The following SH3RF3 variants were observed in gnomAD, a reference collection of about 807,000 sequenced individuals.
SH3RF3 encodes E3 ubiquitin-protein ligase SH3RF3.
A neutral mutation model predicts 66.3 loss-of-function variants in SH3RF3; 29 were observed. The ratio of observed to expected loss-of-function variants is 0.44; its 90% confidence interval spans 0.33 to 0.60. SH3RF3 has a LOEUF of 0.60. Among genes scored for constraint, SH3RF3 ranks in the 20% least tolerant of loss-of-function variants. SH3RF3 has a pLI of 0.04. For synonymous variants in SH3RF3, 583 were observed against 532.0 expected (o/e 1.10, Z -1.32); for missense variants, 1,194 against 1,190.9 (o/e 1.00, Z -0.04).
intron 1 of SH3RF3, among the ~76,000 whole-genome samples, chr2:109,228,058 C>G (rs956404641): frequency 2.0e-5 from 3 of 152,188 alleles, no homozygotes; most frequent in Admixed American, 6.5e-5. Context: ...TGCCCAGACA[C>G]AGGTACGAGT....
At chr2:109,470,365 G>A (rs1678471273) in intron 8 of SH3RF3, among the ~76,000 whole-genome samples, 1 of 152,176 alleles carries the variant, frequency 6.6e-6, no homozygotes, top group African/African-American at 2.4e-5. Context: ...CTTTTCCAGA[G>A]TTTTGCTGGA....
rs148460288 is a variant in SH3RF3, at chr2:109,250,340, G to T, written c.574-97334G>T. Among the ~76,000 whole-genome samples the T allele has an allele frequency of 3.1e-3, 468 of 152,158 alleles. 4 individuals carry two copies. Among genetic ancestry groups the T allele is most frequent in the African/African-American group, 0.01 (431 of 41,542 alleles). ...CGTGGGGGTTTCTAAACATGCACAA[G>T]CTAACAGTCTCCATCAGCTCTGAAT... On this transcript the variant is annotated intron_variant, in intron 1 of 9. Transcript: ENST00000309415.
chr2:109,464,412 C>T (rs1236207670), intron 8 of SH3RF3, among the ~76,000 whole-genome samples: 1 of 152,170 alleles, frequency 6.6e-6, no homozygotes, highest in African/African-American at 2.4e-5. Context: ...AATACACATA[C>T]AAACATGACT....
In SH3RF3 at chr2:109,419,784, C is replaced by T. The variant is rs530963581; in HGVS notation, c.1403+142C>T. ...TATAGTTATGTGCGTCTAATAACACCGCTGAAGGGAGAGTGTGGAAGACAA... is the reference window on the plus strand; with the variant it reads ...TATAGTTATGTGCGTCTAATAACACTGCTGAAGGGAGAGTGTGGAAGACAA... On this transcript the variant is annotated intron_variant, in intron 5 of 9. Transcript: ENST00000309415. The T allele has an allele frequency of 8.7e-4, 625 of 720,946 alleles. 5 individuals carry two copies. The highest frequency in any genetic ancestry group is 4.2e-3 in the South Asian group (221 of 52,964). The allele number at this position is 720,946 out of a possible 1,614,324, so 44.7% of individuals were successfully genotyped here.
At chr2:109,302,804 T>C (rs1681502482) in intron 1 of SH3RF3, among the ~76,000 whole-genome samples, 1 of 152,204 alleles carries the variant, frequency 6.6e-6, no homozygotes, top group Non-Finnish European at 1.5e-5. Flanking sequence ...AAGGTTATGC[T>C]GGAGAAAAGT....
intron 4 of SH3RF3, among the ~76,000 whole-genome samples, chr2:109,400,358 C>T (rs941427984): frequency 6.6e-5 from 10 of 152,140 alleles, no homozygotes; most frequent in South Asian, 2.1e-4. Context: ...TTACATACAC[C>T]GCCATCCACA....
chr2:109,362,753 T>C (rs1345662973), intron 2 of SH3RF3, among the ~76,000 whole-genome samples: 1 of 152,214 alleles, frequency 6.6e-6, no homozygotes, highest in Non-Finnish European at 1.5e-5. Context: ...GACACTGTTG[T>C]TAGGTGCGTG....
At chr2:109,337,344 T>C (rs1029144945) in intron 1 of SH3RF3, among the ~76,000 whole-genome samples, 5 of 152,194 alleles carry the variant, frequency 3.3e-5, no homozygotes, top group African/African-American at 9.6e-5. Context: ...GCTGGCCCCA[T>C]TGTGGCCCTG....
intron 8 of SH3RF3, among the ~76,000 whole-genome samples, chr2:109,460,579 G>C (rs985049687): frequency 6.6e-6 from 1 of 152,222 alleles, no homozygotes; most frequent in Non-Finnish European, 1.5e-5. Context: ...GTGCTCCACA[G>C]AATCCCATCT....
chr2:109,499,156 CAGG>C (rs147515992), intron 9 of SH3RF3, among the ~76,000 whole-genome samples: 1,961 of 152,278 alleles, frequency 0.013, 55 homozygotes, highest in African/African-American at 0.044. Context: ...GAGCCACCCA[CAGG>C]AGACCTGCAC....
intron 1 of SH3RF3, among the ~76,000 whole-genome samples, chr2:109,288,937 A>C (rs1336975442): frequency 6.6e-6 from 1 of 152,222 alleles, no homozygotes; most frequent in Non-Finnish European, 1.5e-5. Flanking sequence ...TCCAACCCAT[A>C]GCTATGAATA....
chr2:109,170,079 G>A (rs917325677), intron 1 of SH3RF3, among the ~76,000 whole-genome samples: 1 of 152,122 alleles, frequency 6.6e-6, no homozygotes, highest in Non-Finnish European at 1.5e-5. Flanking sequence ...AAAACACTTT[G>A]CCAGAAACTA....
chr2:109,358,731 C>G (rs778787383), intron 2 of SH3RF3, among the ~76,000 whole-genome samples: 4 of 152,156 alleles, frequency 2.6e-5, no homozygotes, highest in Non-Finnish European at 4.4e-5. Flanking sequence ...CAGTCTGTAG[C>G]GTGTCTTCTC....
At chr2:109,195,381 C>T (rs1276881550) in intron 1 of SH3RF3, among the ~76,000 whole-genome samples, 1 of 152,230 alleles carries the variant, frequency 6.6e-6, no homozygotes, top group Non-Finnish European at 1.5e-5. Flanking sequence ...GCTTCCCTGC[C>T]CTCTGGGACC....
chr2:109,156,908 A>T (rs1252723599), intron 1 of SH3RF3, among the ~76,000 whole-genome samples: 1 of 152,202 alleles, frequency 6.6e-6, no homozygotes, highest in African/African-American at 2.4e-5. Context: ...GAGGCAGTTA[A>T]TGCTTTCTTT....
chr2:109,213,404 C>T (rs995587720), intron 1 of SH3RF3, among the ~76,000 whole-genome samples: 1 of 152,232 alleles, frequency 6.6e-6, no homozygotes, highest in African/African-American at 2.4e-5. Flanking sequence ...TCAAACCTCC[C>T]TCATTTTATT....
intron 8 of SH3RF3, among the ~76,000 whole-genome samples, chr2:109,488,472 G>A (rs1192830472): frequency 4.6e-5 from 7 of 152,194 alleles, no homozygotes; most frequent in East Asian, 1.9e-4. Context: ...AGGGGCTGAC[G>A]GGCCCAGCTG....
chr2:109,305,577 A>G (rs974621054), intron 1 of SH3RF3, among the ~76,000 whole-genome samples: 8 of 152,164 alleles, frequency 5.3e-5, no homozygotes, highest in Non-Finnish European at 8.8e-5. Flanking sequence ...CAAGCAGTAG[A>G]GAGTCTCAGC....
intron 8 of SH3RF3, among the ~76,000 whole-genome samples, chr2:109,467,066 A>C (rs2104707686): frequency 6.6e-6 from 1 of 152,364 alleles, no homozygotes; most frequent in Admixed American, 6.5e-5. Flanking sequence ...GTAAAATGGC[A>C]CAACTACTTG....
Sources: allele counts gnomAD v4.1 joint callset (sites outside exome capture counted in the v4.1 genomes callset), GRCh38; gene constraint gnomAD v4.1.1; transcripts MANE v1.5; gene names NCBI Gene and HGNC (gene_info 2026-07-23, HGNC 2026-07-21).